Variants in SLC24A2 observed in about 807,000 individuals in gnomAD.
The protein encoded by SLC24A2 is sodium/potassium/calcium exchanger 2.
Under a neutral mutation model 62.0 loss-of-function variants are expected in SLC24A2, and 36 were observed. That is an observed-to-expected ratio of 0.58 (90% confidence interval 0.44 to 0.77). The LOEUF (loss-of-function observed/expected upper bound fraction) is 0.77. Among genes scored for constraint, SLC24A2 ranks in the 30% least tolerant of loss-of-function variants. The probability of loss-of-function intolerance (pLI) is 0.00; values close to 1 mark genes in which losing one functional copy is unlikely to be tolerated. For synonymous variants in SLC24A2, 358 were observed against 294.0 expected, an observed-to-expected ratio of 1.22 and a Z score of -2.23; for missense variants, 846 against 817.9, an observed-to-expected ratio of 1.03 and a Z score of -0.42.
At chr9:19,714,234 T>C (rs1296612688) in intron 2 of SLC24A2, among the ~76,000 whole-genome samples, 1 of 152,162 alleles carries the variant, frequency 6.6e-6, no homozygotes, top group African/African-American at 2.4e-5. Context: ...GCTGTGCATA[T>C]GCACAAACAA....
At chr9:20,051,657 C>CTTTTTTTTTTTTTTTTT in the SLC24A2 span, among the ~76,000 whole-genome samples, 85 of 73,494 alleles carry the variant, frequency 1.2e-3, 4 homozygotes, top group African/African-American at 1.6e-3. Context: ...TTTTCTTTCT[C>CTTTTTTTTTTTTTTTTT]TTTTTTTTTT....
At chr9:19,546,912 C>T (rs1490263434) in intron 8 of SLC24A2, among the ~76,000 whole-genome samples, 1 of 152,184 alleles carries the variant, frequency 6.6e-6, no homozygotes, top group African/African-American at 2.4e-5. Flanking sequence ...GGCACAGTCC[C>T]TCACAGCTTC....
intron 5 of SLC24A2, among the ~76,000 whole-genome samples, chr9:19,592,641 C>T (rs1294481349): frequency 1.3e-5 from 2 of 152,108 alleles, no homozygotes; most frequent in African/African-American, 4.8e-5. Flanking sequence ...GGTCTTTTCT[C>T]CTTTTAATCC....
chr9:20,214,677 T>C, the SLC24A2 span, among the ~76,000 whole-genome samples: 2 of 152,150 alleles, frequency 1.3e-5, no homozygotes, highest in Non-Finnish European at 2.9e-5. Flanking sequence ...AGTATTCTTA[T>C]CACAATAAAA....
At chr9:19,780,517 C>A (rs779631990) in intron 2 of SLC24A2, among the ~76,000 whole-genome samples, 2 of 151,734 alleles carry the variant, frequency 1.3e-5, no homozygotes, top group Non-Finnish European at 2.9e-5. Flanking sequence ...GCACCTGCCT[C>A]GGCCTCCCAA....
the SLC24A2 span, among the ~76,000 whole-genome samples, chr9:19,915,387 A>G: frequency 2.0e-5 from 3 of 152,090 alleles, no homozygotes; most frequent in Non-Finnish European, 4.4e-5. Flanking sequence ...TAATGTCCCT[A>G]TGAACATTCC....
chr9:20,055,830 A>C, the SLC24A2 span, among the ~76,000 whole-genome samples: 1 of 152,162 alleles, frequency 6.6e-6, no homozygotes, highest in African/African-American at 2.4e-5. Context: ...CGGAGGATGC[A>C]GTGAGCCGAG....
At chr9:19,916,291 C>T in the SLC24A2 span, among the ~76,000 whole-genome samples, 2 of 152,088 alleles carry the variant, frequency 1.3e-5, no homozygotes, top group East Asian at 1.9e-4. Flanking sequence ...AGTACCATGT[C>T]GTTTTGATTA....
the SLC24A2 span, among the ~76,000 whole-genome samples, chr9:19,932,282 G>A: frequency 5.3e-5 from 8 of 152,144 alleles, no homozygotes; most frequent in African/African-American, 1.4e-4. Context: ...GGGAAGGATC[G>A]TTAAAATTCC....
the SLC24A2 span, among the ~76,000 whole-genome samples, chr9:19,976,090 C>G: frequency 1.2e-4 from 18 of 152,116 alleles, no homozygotes; most frequent in Non-Finnish European, 2.5e-4. Flanking sequence ...TGCCATGTTG[C>G]CCAGGCTGGT....
chr9:19,566,071 T>C (rs1022916308), intron 7 of SLC24A2, among the ~76,000 whole-genome samples: 3 of 152,112 alleles, frequency 2.0e-5, no homozygotes, highest in Non-Finnish European at 4.4e-5. Flanking sequence ...ACTTCATGTC[T>C]AAAACACCAA....
At chr9:19,731,191 G>A (rs1462912410) in intron 2 of SLC24A2, among the ~76,000 whole-genome samples, 1 of 152,096 alleles carries the variant, frequency 6.6e-6, no homozygotes, top group Non-Finnish European at 1.5e-5. Flanking sequence ...GAAAAAATAT[G>A]AATTTTAGAA....
the SLC24A2 span, among the ~76,000 whole-genome samples, chr9:20,002,363 AC>A: frequency 6.8e-6 from 1 of 146,228 alleles, no homozygotes; most frequent in South Asian, 2.2e-4. Flanking sequence ...CAAGCTACAA[AC>A]CTTTTTTTTT....
chr9:20,150,481 C>T, the SLC24A2 span, among the ~76,000 whole-genome samples: 2 of 151,884 alleles, frequency 1.3e-5, no homozygotes, highest in Admixed American at 1.3e-4. Flanking sequence ...GACAGGTAGT[C>T]TCATATTCTG....
the SLC24A2 span, among the ~76,000 whole-genome samples, chr9:20,181,925 A>C: frequency 5.3e-5 from 8 of 152,248 alleles, no homozygotes; most frequent in Admixed American, 2.0e-4. Flanking sequence ...CAATGAACTC[A>C]AACAAATTTA....
At chr9:19,647,064 GCGCGCA>G (rs1434969720) in intron 2 of SLC24A2, among the ~76,000 whole-genome samples, 1 of 25,186 alleles carries the variant, frequency 4.0e-5, no homozygotes, top group African/African-American at 2.2e-4. Context: ...ACACACACAC[GCGCGCA>G]CACACACACA....
chr9:19,752,028 G>A (rs928179270), intron 2 of SLC24A2, among the ~76,000 whole-genome samples: 6 of 152,152 alleles, frequency 3.9e-5, no homozygotes, highest in Non-Finnish European at 8.8e-5. Context: ...GTACAATGTG[G>A]TAGCCACTTT....
At chr9:19,667,725 C>A (rs1034312512) in intron 2 of SLC24A2, among the ~76,000 whole-genome samples, 2 of 152,182 alleles carry the variant, frequency 1.3e-5, no homozygotes, top group Non-Finnish European at 2.9e-5. Context: ...TCTCTTCCTC[C>A]TGTGAAGCCT....
At chr9:20,203,298 T>C in the SLC24A2 span, among the ~76,000 whole-genome samples, 543 of 152,274 alleles carry the variant, frequency 3.6e-3, 1 homozygote, top group Non-Finnish European at 6.7e-3. Flanking sequence ...TCATGATCTT[T>C]TTGTGGTGGT....
Sources: allele counts gnomAD v4.1 joint callset (sites outside exome capture counted in the v4.1 genomes callset), GRCh38; gene constraint gnomAD v4.1.1; transcripts MANE v1.5; gene names NCBI Gene and HGNC (gene_info 2026-07-23, HGNC 2026-07-21).